The following UNC80 variants were observed in gnomAD, a reference collection of about 807,000 sequenced individuals.
UNC80 encodes the protein protein unc-80 homolog.
Under a neutral mutation model 384.6 loss-of-function variants are expected in UNC80, and 164 were observed. The observed-to-expected ratio is 0.43, with a 90% CI of 0.38 to 0.49. The LOEUF (loss-of-function observed/expected upper bound fraction) is 0.49, where lower values mean the gene tolerates loss of function less well. Ranked by LOEUF, UNC80 falls within the 20% of genes least tolerant of loss-of-function variation. The pLI, the probability that UNC80 is intolerant of heterozygous loss-of-function variation, is 0.00. For synonymous variants in UNC80, 1,486 were observed against 1,527.8 expected, an observed-to-expected ratio of 0.97 and a Z score of 0.64; for missense variants, 3,330 against 4,143.0, an observed-to-expected ratio of 0.80 and a Z score of 5.39.
In UNC80 at chr2:209,995,390, C is replaced by T; in HGVS notation, c.9770C>T (p.Thr3257Ile). Residue 3257 changes from threonine (T) to isoleucine (I), a missense_variant, in exon 65 of 65, where the codon ACT (threonine) becomes ATT (isoleucine). By Grantham distance (89) the Thr-to-Ile change is moderately conservative (BLOSUM62 -1). This residue lies in a region of UNC80 where 236 missense variants were observed against 254.9 expected (regional missense o/e 0.93). Transcript: ENST00000673920. The part of the protein sequence containing the change: ...KEEDTEAQGA[T>I]AHSPLSAQLS... The stretch of plus-strand genomic sequence containing the variant: ...GAGGACACAGAAGCACAAGGTGCTA[C>T]TGCACACAGTCCACTCTCTGCCCAA... 3.2e-6 allele frequency: 5 copies of T among 1,552,118 alleles called. No individual in the cohort carries two copies. Among genetic ancestry groups the T allele is most frequent in the Non-Finnish European group, 4.4e-6 (5 of 1,147,082 alleles).
intron 5 of UNC80, among the ~76,000 whole-genome samples, chr2:209,787,018 T>TATAC (rs1000814946): frequency 2.6e-4 from 33 of 128,576 alleles, no homozygotes; most frequent in African/African-American, 9.3e-4. Context: ...TATATATATA[T>TATAC]ACCTATATAT....
chr2:209,937,673 G>T (rs1473306938), intron 42 of UNC80, 43 bp downstream of exon 42: 1 of 1,422,454 alleles, frequency 7.0e-7, no homozygotes, highest in Non-Finnish European at 9.7e-7. Context: ...TTGTCATGTT[G>T]TTGGAGTAGA....
chr2:209,923,383 C>A (rs943997101), intron 35 of UNC80, among the ~76,000 whole-genome samples: 1 of 152,104 alleles, frequency 6.6e-6, no homozygotes, highest in African/African-American at 2.4e-5. Context: ...GGTGTGTAAT[C>A]AACTTTGAGT....
chr2:209,872,863 A>G lies in UNC80; in HGVS notation c.3733A>G (p.Asn1245Asp). ...WPEWMKGHHVNITKKGLSRGR... is the reference protein window; with the variant it reads ...WPEWMKGHHVDITKKGLSRGR... ...AGAGTGGATGAAAGGGCACCACGTG[A>G]ACATCACCAAGAAAGGACTTTCCCG... Residue 1245 changes from asparagine (N) to aspartate (D), a missense_variant, in exon 23 of 65, where the codon AAC becomes GAC. Around this residue, in one of 8 missense-constraint regions of UNC80, gnomAD observed 801 missense variants for 950.8 expected, o/e 0.84. Transcript: ENST00000673920. The surrounding 1 kb of genome is among the most constrained non-coding windows in gnomAD (Gnocchi z 4.1). 1 of 1,551,444 alleles carries G rather than the reference A, an allele frequency of 6.4e-7. No individual in the cohort carries two copies. Among genetic ancestry groups the G allele is most frequent in the Non-Finnish European group, 8.7e-7 (1 of 1,146,828 alleles).
At chr2:209,785,930 CTAA>C in intron 4 of UNC80, 133 bp from the exon 5 acceptor site, 1 of 966,820 alleles carries the variant, frequency 1.0e-6, no homozygotes, top group Non-Finnish European at 1.5e-6. Flanking sequence ...ATTCATCTGA[CTAA>C]TGAGAGAAGG....
intron 58 of UNC80, among the ~76,000 whole-genome samples, chr2:209,978,028 T>A (rs992608336): frequency 5.3e-5 from 8 of 152,212 alleles, no homozygotes; most frequent in Admixed American, 5.2e-4. Context: ...TGTAATAAAA[T>A]AACCTGACAT....
At chr2:209,900,622 TTG>T (rs1283081193) in intron 28 of UNC80, among the ~76,000 whole-genome samples, 20 of 151,642 alleles carry the variant, frequency 1.3e-4, no homozygotes, top group Admixed American at 9.8e-4. Context: ...GAAGGAAGAG[TTG>T]TGTGTCTCTC....
intron 47 of UNC80, among the ~76,000 whole-genome samples, chr2:209,952,599 C>T (rs942683179): frequency 7.2e-5 from 11 of 152,092 alleles, no homozygotes; most frequent in South Asian, 4.2e-4. Context: ...AATTTACAAA[C>T]GAGCAGATGC....
intron 60 of UNC80, among the ~76,000 whole-genome samples, chr2:209,983,126 A>G (rs1431406240): frequency 1.3e-5 from 2 of 152,160 alleles, no homozygotes; most frequent in African/African-American, 4.8e-5. Context: ...TTTAATACCT[A>G]TAGATTCATT....
At chr2:209,818,502 CT>C (rs1210713777) in intron 11 of UNC80, among the ~76,000 whole-genome samples, 3 of 152,130 alleles carry the variant, frequency 2.0e-5, no homozygotes, top group Admixed American at 6.6e-5. Context: ...AATTTAGTCC[CT>C]CTTTGATCTG....
chr2:209,810,594 G>C (rs886664505), intron 7 of UNC80, among the ~76,000 whole-genome samples: 1 of 152,134 alleles, frequency 6.6e-6, no homozygotes, highest in South Asian at 2.1e-4. Context: ...TCTCATGAAC[G>C]TGGTTCATGG....
intron 61 of UNC80, among the ~76,000 whole-genome samples, chr2:209,989,848 G>T (rs1314513391): frequency 6.6e-6 from 1 of 152,136 alleles, no homozygotes; most frequent in Non-Finnish European, 1.5e-5. Context: ...AATTATCATT[G>T]TGAATTTTTT....
chr2:209,826,154 T>C (rs1354662754), intron 14 of UNC80, 101 bp downstream of exon 14: 50 of 1,264,928 alleles, frequency 4.0e-5, no homozygotes, highest in Non-Finnish European at 5.1e-5. Flanking sequence ...CTGAAAAATA[T>C]TGTATTTTGT....
At chr2:209,788,012 G>A (rs1296327670) in intron 5 of UNC80, among the ~76,000 whole-genome samples, 1 of 152,174 alleles carries the variant, frequency 6.6e-6, no homozygotes, top group Admixed American at 6.5e-5. Flanking sequence ...TGATACAGAT[G>A]ATCTTGATGC....
At chr2:209,878,292 CAGAG>C (rs1168209931) in intron 24 of UNC80, among the ~76,000 whole-genome samples, 1 of 152,126 alleles carries the variant, frequency 6.6e-6, no homozygotes, top group Non-Finnish European at 1.5e-5. Context: ...AAAGAGAAGA[CAGAG>C]AGGGGCAAGG....
intron 37 of UNC80, among the ~76,000 whole-genome samples, chr2:209,930,666 A>G (rs1030134270): frequency 6.6e-6 from 1 of 152,038 alleles, no homozygotes; most frequent in Non-Finnish European, 1.5e-5. Flanking sequence ...TTAACTAAAT[A>G]TACAGCTTTC....
At chr2:209,937,674 T>C in intron 42 of UNC80, 44 bp downstream of exon 42, 1 of 1,404,806 alleles carries the variant, frequency 7.1e-7, no homozygotes, top group Non-Finnish European at 9.9e-7. Context: ...TGTCATGTTG[T>C]TGGAGTAGAT....
At chr2:209,955,219 C>T (rs1422982861) in intron 48 of UNC80, among the ~76,000 whole-genome samples, 1 of 152,078 alleles carries the variant, frequency 6.6e-6, no homozygotes, top group Non-Finnish European at 1.5e-5. Context: ...TACGCCTCCA[C>T]CAAAAGGCAC....
chr2:209,971,564 A>G (rs563268868), intron 54 of UNC80, among the ~76,000 whole-genome samples: 5 of 151,978 alleles, frequency 3.3e-5, no homozygotes, highest in East Asian at 1.9e-4. Context: ...TCCATAATCA[A>G]TGGAAAGTAC....
Sources: gnomAD v4.1 joint callset for allele counts (sites outside exome capture counted in the v4.1 genomes callset) on GRCh38, gnomAD v4.1.1 for gene constraint, gnomAD v4.1.1 regional missense constraint, Gnocchi (gnomAD v3.1) non-coding constraint, MANE v1.5 for transcripts, NCBI Gene and HGNC (gene_info 2026-07-23, HGNC 2026-07-21) for gene names.